The following KNCN variants were observed in gnomAD, a reference collection of about 807,000 sequenced individuals.
The protein encoded by KNCN is kinocilin.
A neutral mutation model predicts 10.4 loss-of-function variants in KNCN; 11 were observed. The observed-to-expected ratio is 1.06, with a 90% CI of 0.67 to 1.75. KNCN has a LOEUF of 1.75. KNCN is among the 40% of genes most tolerant of loss of function. The pLI is 0.00. For missense variants in KNCN, 172 were observed against 167.1 expected (o/e 1.03, Z -0.16); for synonymous variants, 67 against 71.6 (o/e 0.94, Z 0.33).
chr1:46,548,473 C>T (rs1569934183), intron 3 of KNCN, among the ~76,000 whole-genome samples: 2 of 152,162 alleles, frequency 1.3e-5, no homozygotes, highest in South Asian at 2.1e-4. Flanking sequence ...TGGCATGTCC[C>T]CCCCTCCCCA....
chr1:46,549,767 G>A, intron 2 of KNCN, 167 bp downstream of exon 2: 1 of 1,295,662 alleles, frequency 7.7e-7, no homozygotes, highest in Non-Finnish European at 1.1e-6. Context: ...CTGTAGTCAT[G>A]GCAACGCCTG....
At position 46,549,240 on chromosome 1, in the gene KNCN, C is replaced by G; in HGVS notation, c.248G>C (p.Gly83Ala). The change falls in exon 3 of 4, where the codon GGG (glycine) becomes GCG (alanine). Residue 83 changes from glycine to alanine, a missense_variant. Coordinates refer to ENST00000481882, the MANE Select transcript of KNCN (RefSeq NM_001322255.2). ...GGATCTTCCTTCCCCGTGGTCTGCC[C>G]CTGGATGGGGATGGATTCTTAGGCT... Reference protein sequence around the residue: ...IGSLRIHPHPGADHGEGRSST... With the variant: ...IGSLRIHPHPAADHGEGRSST... The G allele has an allele frequency of 6.2e-7, 1 of 1,613,390 alleles. No individual in the cohort carries two copies. Among genetic ancestry groups the G allele is most frequent in the Non-Finnish European group, 8.5e-7 (1 of 1,179,572 alleles).
At position 46,551,332 on chromosome 1, in the gene KNCN, T is replaced by C. The variant is rs1309128229; in HGVS notation, c.-117A>G. 4 of 1,207,188 alleles carry C rather than the reference T, an allele frequency of 3.3e-6. No individual in the cohort carries two copies. In the African/African-American group the frequency reaches 6.2e-5, roughly 19 times the overall value. 74.8% of individuals were successfully genotyped at this position (1,207,188 alleles called of 1,614,324 possible). On this transcript the variant is annotated 5_prime_UTR_variant, in exon 1 of 4. Coordinates refer to ENST00000481882, the MANE Select transcript of KNCN (RefSeq NM_001322255.2). The surrounding 1 kb of genome is among the most constrained non-coding windows in gnomAD (Gnocchi z 4.0). ...GCGCTCCAACTTCAGGGTAGGAGTTTCTGGGCAGTAAGATGATAGGTGGGG... is the reference window on the plus strand; with the variant it reads ...GCGCTCCAACTTCAGGGTAGGAGTTCCTGGGCAGTAAGATGATAGGTGGGG...
intron 1 of KNCN, among the ~76,000 whole-genome samples, chr1:46,550,455 T>C (rs1667041972): frequency 3.3e-5 from 5 of 151,030 alleles, no homozygotes; most frequent in African/African-American, 4.9e-5. Flanking sequence ...TGAGCATCTG[T>C]GCCAGAACCC....
In KNCN at chr1:46,547,811, T is replaced by C. The variant is rs921890931; in HGVS notation, c.296-2A>G. The C allele has an allele frequency of 9.6e-6, 14 of 1,455,412 alleles. No homozygotes were observed. In the African/African-American group the frequency reaches 2.0e-4, roughly 21 times the overall value. 90.2% of individuals were successfully genotyped at this position (1,455,412 alleles called of 1,614,324 possible). A position where few individuals can be genotyped will look rare whatever the true frequency, so the allele number is the denominator to read the frequency against. Reference sequence around the variant, plus strand: ...CGGTGGACAGGCTGCTGCGGGCTCCTGGGGGAGAGAACAGGGACGAGGACT... The same window carrying C: ...CGGTGGACAGGCTGCTGCGGGCTCCCGGGGGAGAGAACAGGGACGAGGACT... On this transcript the variant is annotated splice_acceptor_variant, in intron 3 of 3. Coordinates refer to ENST00000481882, the MANE Select transcript of KNCN (RefSeq NM_001322255.2). LOFTEE classifies it high-confidence loss of function.
At position 46,546,640 on chromosome 1, in the gene KNCN, G is replaced by A. The variant is rs907662216; in HGVS notation, c.*1090C>T. The A allele has an allele frequency of 2.6e-5, 4 of 152,332 alleles. No individual in the cohort carries two copies. Among genetic ancestry groups the A allele is most frequent in the African/African-American group, 9.6e-5 (4 of 41,458 alleles). 9.4% of individuals were successfully genotyped at this position (152,332 alleles called of 1,614,324 possible). A position where few individuals can be genotyped will look rare whatever the true frequency, so the allele number is the denominator to read the frequency against. ...TCCTTGCTCTACCCACGGTAGATGG[G>A]ACTTTGAAGTGGCTTCCCAGGGAAA... On this transcript the variant is annotated 3_prime_UTR_variant, in exon 4 of 4. Coordinates refer to ENST00000481882, the MANE Select transcript of KNCN (RefSeq NM_001322255.2).
chr1:46,549,159 A>AAAAC, intron 3 of KNCN, 34 bp downstream of exon 3: 1 of 1,171,704 alleles, frequency 8.5e-7, no homozygotes, highest in East Asian at 2.4e-5. Context: ...AAAAAGAAAA[A>AAAAC]AGAAGGATGG....
rs1318338558 is a variant in KNCN, at chr1:46,546,242, C to T, written c.*1488G>A. On this transcript the variant is annotated 3_prime_UTR_variant, in exon 4 of 4. Transcript: ENST00000481882. ...AGTCCTTTTTCCAGTGGGGCCTCAGCTTTCCCATCTGAGATGGACTCTGTG... is the reference window on the plus strand; with the variant it reads ...AGTCCTTTTTCCAGTGGGGCCTCAGTTTTCCCATCTGAGATGGACTCTGTG... 6.6e-6 allele frequency: 1 copy of T among 152,234 alleles called. No individual in the cohort carries two copies. Among genetic ancestry groups the T allele is most frequent in the East Asian group, 1.9e-4 (1 of 5,188 alleles). The allele number at this position is 152,234 out of a possible 1,614,324, so 9.4% of individuals were successfully genotyped here. A position where few individuals can be genotyped will look rare whatever the true frequency, so the allele number is the denominator to read the frequency against.
intron 3 of KNCN, among the ~76,000 whole-genome samples, chr1:46,548,880 C>A (rs1667002932): frequency 6.6e-6 from 1 of 152,202 alleles, no homozygotes; most frequent in African/African-American, 2.4e-5. Flanking sequence ...GTGGCTCACG[C>A]CTATAATCCC....
chr1:46,548,279 C>A lies in KNCN; in HGVS notation c.296-470G>T, dbSNP rs565259396. ...CTTTCACTGAGTATTAGGCATCCAA[C>A]CCCTGGTGGCAGAGACTGGGCTGGG... On this transcript the variant is annotated intron_variant, in intron 3 of 3. Transcript: ENST00000481882. 6.6e-5 allele frequency among the ~76,000 whole-genome samples: 10 copies of A among 152,318 alleles called. No individual in the cohort carries two copies. In the South Asian group the frequency reaches 1.9e-3, roughly 28 times the overall value.
chr1:46,550,862 C>G (rs891267643), intron 1 of KNCN, among the ~76,000 whole-genome samples: 1 of 152,162 alleles, frequency 6.6e-6, no homozygotes, highest in African/African-American at 2.4e-5. Context: ...TTCTTTTCTC[C>G]TCCCTGTGGC....
chr1:46,551,329 G>T lies in KNCN; in HGVS notation c.-114C>A, dbSNP rs1667063061. On this transcript the variant is annotated 5_prime_UTR_variant, in exon 1 of 4. Coordinates refer to ENST00000481882, the MANE Select transcript of KNCN (RefSeq NM_001322255.2). The surrounding 1 kb of genome is among the most constrained non-coding windows in gnomAD (Gnocchi z 4.0). ...TTGGCGCTCCAACTTCAGGGTAGGA[G>T]TTTCTGGGCAGTAAGATGATAGGTG... 12 of 1,237,588 alleles carry T rather than the reference G, an allele frequency of 9.7e-6. No homozygotes were observed. Among genetic ancestry groups the T allele is most frequent in the Non-Finnish European group, 1.3e-5 (12 of 892,634 alleles). 76.7% of individuals were successfully genotyped at this position (1,237,588 alleles called of 1,614,324 possible). A position where few individuals can be genotyped will look rare whatever the true frequency, so the allele number is the denominator to read the frequency against.
intron 1 of KNCN, 33 bp from the exon 2 acceptor site, chr1:46,550,035 G>A (rs992907771): frequency 6.7e-5 from 104 of 1,550,284 alleles, no homozygotes; most frequent in Non-Finnish European, 8.7e-5. Context: ...CTGTGATGGG[G>A]AGGAGCCTGG....
chr1:46,548,326 C>A (rs1666990196), intron 3 of KNCN, among the ~76,000 whole-genome samples: 1 of 152,162 alleles, frequency 6.6e-6, no homozygotes, highest in African/African-American at 2.4e-5. Flanking sequence ...GAAACTCCTG[C>A]CCTGGAACTT....
chr1:46,548,679 C>G (rs908446777), intron 3 of KNCN, among the ~76,000 whole-genome samples: 21 of 152,152 alleles, frequency 1.4e-4, no homozygotes. Flanking sequence ...GACAGAAGCC[C>G]TCAGAGTAAG....
intron 2 of KNCN, chr1:46,549,676 T>G: frequency 6.9e-6 from 4 of 581,744 alleles, no homozygotes; most frequent in South Asian, 2.3e-5. Flanking sequence ...CTTTGGGGAG[T>G]CATAAAATCT....
In KNCN at chr1:46,547,362, C is replaced by T. The variant is rs866012281; in HGVS notation, c.*368G>A. 2.0e-6 allele frequency: 1 copy of T among 493,466 alleles called. No individual in the cohort carries two copies. Among genetic ancestry groups the T allele is most frequent in the African/African-American group, 1.9e-5 (1 of 51,628 alleles). 30.6% of individuals were successfully genotyped at this position (493,466 alleles called of 1,614,324 possible). A position where few individuals can be genotyped will look rare whatever the true frequency, so the allele number is the denominator to read the frequency against. On this transcript the variant is annotated 3_prime_UTR_variant, in exon 4 of 4. Coordinates refer to ENST00000481882, the MANE Select transcript of KNCN (RefSeq NM_001322255.2). Reference sequence around the variant, plus strand: ...GCCGGGTTAGAGCAAGGGACTGGGGCATCCTGGTCATAGTCAGGGCCTTGG... The same window carrying T: ...GCCGGGTTAGAGCAAGGGACTGGGGTATCCTGGTCATAGTCAGGGCCTTGG...
chr1:46,550,943 C>A, intron 1 of KNCN, 122 bp downstream of exon 1: 2 of 1,004,232 alleles, frequency 2.0e-6, no homozygotes, highest in Non-Finnish European at 2.9e-6. Context: ...ACACCTCTAG[C>A]TTCCGTTCTC....
At position 46,546,433 on chromosome 1, in the gene KNCN, A is replaced by C. The variant is rs1666943943; in HGVS notation, c.*1297T>G. ...CACAGTGAAGTCAGGGGAGGCTTCT[A>C]AGAGGAAGTGCCGTCTCCATTGATC... On this transcript the variant is annotated 3_prime_UTR_variant, in exon 4 of 4. Coordinates refer to ENST00000481882, the MANE Select transcript of KNCN (RefSeq NM_001322255.2). The C allele has an allele frequency of 6.6e-6, 1 of 152,288 alleles. No individual in the cohort carries two copies. The highest frequency in any genetic ancestry group is 2.4e-5 in the African/African-American group (1 of 41,470). 9.4% of individuals were successfully genotyped at this position (152,288 alleles called of 1,614,324 possible). A position where few individuals can be genotyped will look rare whatever the true frequency, so the allele number is the denominator to read the frequency against.
Sources: allele counts gnomAD v4.1 joint callset (sites outside exome capture counted in the v4.1 genomes callset), GRCh38; gene constraint gnomAD v4.1.1; non-coding constraint Gnocchi (gnomAD v3.1); transcripts MANE v1.5; gene names NCBI Gene and HGNC (gene_info 2026-07-23, HGNC 2026-07-21).